Variants in PARD3B observed in about 807,000 individuals in gnomAD.
PARD3B encodes partitioning defective 3 homolog B.
PARD3B carries 103 observed loss-of-function variants against 130.2 expected under a neutral mutation model. The ratio of observed to expected loss-of-function variants is 0.79; its 90% CI spans 0.67 to 0.93. PARD3B has a LOEUF of 0.93. Among genes scored for constraint, PARD3B ranks in the 40% least tolerant of loss-of-function variants. PARD3B has a pLI of 0.00. For synonymous variants in PARD3B, 583 were observed against 553.2 expected (o/e 1.05, Z -0.76); for missense variants, 1,609 against 1,499.2 (o/e 1.07, Z -1.21).
At chr2:205,410,983 T>G (rs1251322980) in intron 19 of PARD3B, among the ~76,000 whole-genome samples, 3 of 152,188 alleles carry the variant, frequency 2.0e-5, no homozygotes, top group African/African-American at 7.2e-5. Context: ...TTGAATATGC[T>G]TTTTCTGCAT....
At chr2:205,400,607 A>G (rs1392302798) in intron 18 of PARD3B, among the ~76,000 whole-genome samples, 2 of 151,908 alleles carry the variant, frequency 1.3e-5, no homozygotes, top group African/African-American at 4.8e-5. Flanking sequence ...ACACCACTGC[A>G]CCTCAGTCTG....
chr2:205,598,173 T>C (rs985398999), intron 22 of PARD3B, among the ~76,000 whole-genome samples: 1 of 152,094 alleles, frequency 6.6e-6, no homozygotes. Context: ...GAGTGATAAG[T>C]TAGATAAAGA....
At chr2:204,744,858 G>C (rs1211634712) in intron 2 of PARD3B, among the ~76,000 whole-genome samples, 1 of 152,126 alleles carries the variant, frequency 6.6e-6, no homozygotes, top group Non-Finnish European at 1.5e-5. Context: ...TCTAGACCAA[G>C]AGGTACCACT....
chr2:204,878,144 A>G (rs1429401584), intron 2 of PARD3B, among the ~76,000 whole-genome samples: 1 of 152,202 alleles, frequency 6.6e-6, no homozygotes, highest in Non-Finnish European at 1.5e-5. Context: ...GTCATGTAAC[A>G]GCACACCTGG....
intron 2 of PARD3B, among the ~76,000 whole-genome samples, chr2:204,872,235 A>AT (rs776845422): frequency 3.9e-5 from 6 of 152,126 alleles, no homozygotes; most frequent in Non-Finnish European, 7.4e-5. Flanking sequence ...GCCAAATTTT[A>AT]TACATACACA....
At chr2:205,257,514 C>A (rs1241442514) in intron 16 of PARD3B, among the ~76,000 whole-genome samples, 2 of 152,102 alleles carry the variant, frequency 1.3e-5, no homozygotes, top group African/African-American at 2.4e-5. Flanking sequence ...CACAGAAATA[C>A]TACTGTAGGT....
chr2:205,610,037 A>T (rs924807323), intron 22 of PARD3B, among the ~76,000 whole-genome samples: 1 of 152,202 alleles, frequency 6.6e-6, no homozygotes, highest in Non-Finnish European at 1.5e-5. Context: ...CCCTTCAATA[A>T]TGTCACTCCC....
chr2:204,553,850 G>A (rs75613285), intron 1 of PARD3B, among the ~76,000 whole-genome samples: 3,609 of 150,930 alleles, frequency 0.024, 161 homozygotes, highest in African/African-American at 0.084. Context: ...CTCATAAGTG[G>A]GAGTTCTCAC....
chr2:204,698,042 G>C (rs2037700077), intron 2 of PARD3B, among the ~76,000 whole-genome samples: 1 of 152,046 alleles, frequency 6.6e-6, no homozygotes, highest in Admixed American at 6.6e-5. Flanking sequence ...TCAGGTTCCG[G>C]TAATCTAAGG....
chr2:205,256,257 T>G (rs192132354), intron 16 of PARD3B, among the ~76,000 whole-genome samples: 11 of 152,212 alleles, frequency 7.2e-5, no homozygotes, highest in Admixed American at 7.2e-4. Flanking sequence ...AATCCAGCTT[T>G]TTTTCATACA....
chr2:205,267,615 A>C (rs1435783673), intron 16 of PARD3B, among the ~76,000 whole-genome samples: 2 of 152,140 alleles, frequency 1.3e-5, no homozygotes, highest in African/African-American at 4.8e-5. Context: ...ATGTCATGCA[A>C]ATGTCATGGT....
intron 2 of PARD3B, among the ~76,000 whole-genome samples, chr2:204,801,431 TC>T (rs1480939032): frequency 6.6e-6 from 1 of 152,232 alleles, no homozygotes; most frequent in Admixed American, 6.5e-5. Flanking sequence ...GTCCTTCACA[TC>T]CCTTGTAAGT....
At chr2:205,059,642 A>G (rs1356184700) in intron 4 of PARD3B, among the ~76,000 whole-genome samples, 4 of 152,068 alleles carry the variant, frequency 2.6e-5, no homozygotes, top group African/African-American at 9.7e-5. Flanking sequence ...TTATGAATCT[A>G]GAAACTTGTA....
chr2:204,770,420 C>CGG lies in PARD3B; in HGVS notation c.222+84138_222+84139insGG. ...CGTTTGCTGAGGAGAGCTTTACTTC[C>CGG]AACTATGTGGTCAATTTTGGAATAG... On this transcript the variant is annotated intron_variant, in intron 2 of 22. Transcript: ENST00000406610. Among the ~76,000 whole-genome samples, 3 of 147,402 alleles carry CGG rather than the reference C, an allele frequency of 2.0e-5. No individual in the cohort carries two copies. In the East Asian group the frequency reaches 6.1e-4, roughly 30 times the overall value.
intron 2 of PARD3B, among the ~76,000 whole-genome samples, chr2:204,722,696 G>A (rs1200603389): frequency 6.6e-6 from 1 of 152,148 alleles, no homozygotes; most frequent in Non-Finnish European, 1.5e-5. Flanking sequence ...TAATAAGGAA[G>A]GAGAAATACC....
At chr2:204,970,039 T>A (rs1164044595) in intron 3 of PARD3B, among the ~76,000 whole-genome samples, 1 of 152,156 alleles carries the variant, frequency 6.6e-6, no homozygotes, top group Non-Finnish European at 1.5e-5. Context: ...TCTGATTTTT[T>A]AAGTATGTAC....
At chr2:204,873,863 C>T (rs1054744915) in intron 2 of PARD3B, among the ~76,000 whole-genome samples, 1 of 152,134 alleles carries the variant, frequency 6.6e-6, no homozygotes, top group African/African-American at 2.4e-5. Context: ...AAACTAATGG[C>T]CATGTGTGGT....
chr2:205,155,066 A>G (rs955742413), intron 10 of PARD3B, among the ~76,000 whole-genome samples: 6 of 152,194 alleles, frequency 3.9e-5, no homozygotes, highest in Admixed American at 3.3e-4. Context: ...CATTTCAAAA[A>G]AAAAAACAAA....
At position 204,729,590 on chromosome 2, in the gene PARD3B, A is replaced by G. The variant is rs185868517; in HGVS notation, c.222+43308A>G. Among the ~76,000 whole-genome samples, 51 of 152,286 alleles carry G rather than the reference A, an allele frequency of 3.3e-4. 1 individual carries two copies. The highest frequency in any genetic ancestry group is 3.1e-3 in the Admixed American group (48 of 15,290). ...GTTAATATATCAATAACATATTACAACTTTGTTTCTTAAATTATCCTCTTC... is the reference window on the plus strand; with the variant it reads ...GTTAATATATCAATAACATATTACAGCTTTGTTTCTTAAATTATCCTCTTC... On this transcript the variant is annotated intron_variant, in intron 2 of 22. Transcript: ENST00000406610.
Sources: gnomAD v4.1 joint callset for allele counts (sites outside exome capture counted in the v4.1 genomes callset) on GRCh38, gnomAD v4.1.1 for gene constraint, MANE v1.5 for transcripts, NCBI Gene and HGNC (gene_info 2026-07-23, HGNC 2026-07-21) for gene names.